HSF2BP: variants seen among roughly 807,000 people sequenced by gnomAD.
The protein encoded by HSF2BP is heat shock factor 2-binding protein.
A neutral mutation model predicts 35.0 loss-of-function variants in HSF2BP; 35 were observed. The observed-to-expected ratio is 1.00, with a 90% CI of 0.76 to 1.32. The LOEUF is 1.32. Among genes scored for constraint, HSF2BP ranks in the 40% most tolerant of loss-of-function variants. The pLI is 0.00. For synonymous variants in HSF2BP, 114 were observed against 117.4 expected (o/e 0.97, Z 0.18); for missense variants, 326 against 321.7 (o/e 1.01, Z -0.10).
At chr21:43,577,158 C>T (rs2081654100) in intron 8 of HSF2BP, among the ~76,000 whole-genome samples, 1 of 152,214 alleles carries the variant, frequency 6.6e-6, no homozygotes, top group African/African-American at 2.4e-5. Context: ...GCTCTGTTCA[C>T]CTCTTTATTT....
chr21:43,633,293 G>A lies in HSF2BP; in HGVS notation c.420C>T (p.Val140=), dbSNP rs377332751. ...LLWGVSSSEE[V]VKAILGGDKA... ...TTACTCCTCCCAAAATGGCCTTGAC[G>A]ACTTCCTCACTGCTGGAGACACCCC... The change falls in exon 5 of 9, where the codon GTC becomes GTT. Residue 140 remains valine (V), a synonymous_variant. Coordinates refer to ENST00000291560, the MANE Select transcript of HSF2BP (RefSeq NM_007031.2). 56 of 1,612,892 alleles carry A rather than the reference G, an allele frequency of 3.5e-5. No individual in the cohort carries two copies. Among genetic ancestry groups the A allele is most frequent in the South Asian group, 1.5e-4 (14 of 90,820 alleles).
chr21:43,629,879 T>G (rs2082433439), intron 6 of HSF2BP, among the ~76,000 whole-genome samples: 1 of 152,162 alleles, frequency 6.6e-6, no homozygotes, highest in Non-Finnish European at 1.5e-5. Context: ...TGTTCTACTG[T>G]GGAAAAAATG....
chr21:43,615,804 TA>T lies in HSF2BP; in HGVS notation c.575-1858del, dbSNP rs1313384906. On this transcript the variant is annotated intron_variant, in intron 6 of 8. Coordinates refer to ENST00000291560, the MANE Select transcript of HSF2BP (RefSeq NM_007031.2). ...GTAAGCATTTGGCATCAGAAACACA[TA>T]AAAGATAGCTTTTAGGTAGCTTTTC... 3.3e-5 allele frequency among the ~76,000 whole-genome samples: 5 copies of T among 152,214 alleles called. No individual in the cohort carries two copies. In the East Asian group the frequency reaches 9.6e-4, roughly 29 times the overall value.
chr21:43,617,029 G>T (rs1360256754), intron 6 of HSF2BP, among the ~76,000 whole-genome samples: 1 of 152,060 alleles, frequency 6.6e-6, no homozygotes, highest in South Asian at 2.1e-4. Context: ...CACCCCACTA[G>T]CCCCCAGCTG....
At chr21:43,603,449 G>A (rs564249150) in intron 7 of HSF2BP, among the ~76,000 whole-genome samples, 39 of 152,324 alleles carry the variant, frequency 2.6e-4, no homozygotes, top group African/African-American at 8.4e-4. Context: ...ACACAGAGAT[G>A]AAACAGACAG....
rs779232298 is a variant in HSF2BP, at chr21:43,605,093, CACAT to C, written c.692+8733_692+8736del. On this transcript the variant is annotated intron_variant, in intron 7 of 8. Coordinates refer to ENST00000291560, the MANE Select transcript of HSF2BP (RefSeq NM_007031.2). ...ATCACACGTACCACATAACACAACA[CACAT>C]ACATCACACACATCACACACACACC... Among the ~76,000 whole-genome samples, 18 of 147,050 alleles carry C rather than the reference CACAT, an allele frequency of 1.2e-4. No individual in the cohort carries two copies. The East Asian group carries it at 1.2e-3, about 10-fold the overall frequency.
At chr21:43,658,380 G>A (rs906440944) in intron 1 of HSF2BP, 60 bp from the exon 2 acceptor site, 1 of 471,806 alleles carries the variant, frequency 2.1e-6, no homozygotes, top group African/African-American at 2.1e-5. Context: ...AAATCGGATG[G>A]GTCCTTTCCT....
At chr21:43,595,599 A>C (rs1825124372) in intron 7 of HSF2BP, among the ~76,000 whole-genome samples, 1 of 152,052 alleles carries the variant, frequency 6.6e-6, no homozygotes, top group South Asian at 2.1e-4. Flanking sequence ...TCGAGGCTGC[A>C]ATGAGCTGTG....
chr21:43,612,438 T>G (rs956014183), intron 7 of HSF2BP, among the ~76,000 whole-genome samples: 2 of 151,964 alleles, frequency 1.3e-5, no homozygotes, highest in African/African-American at 4.8e-5. Context: ...GATCACGAGG[T>G]CAGGAGATTG....
At chr21:43,655,142 T>A (rs1037230903) in intron 3 of HSF2BP, among the ~76,000 whole-genome samples, 5 of 152,208 alleles carry the variant, frequency 3.3e-5, no homozygotes, top group African/African-American at 1.2e-4. Context: ...GAATGCCAGT[T>A]TATTAATTTA....
At chr21:43,609,620 T>C (rs1395614239) in intron 7 of HSF2BP, among the ~76,000 whole-genome samples, 1 of 151,916 alleles carries the variant, frequency 6.6e-6, no homozygotes, top group Non-Finnish European at 1.5e-5. Flanking sequence ...GAGGCTGATT[T>C]ATAGTATGAG....
intron 8 of HSF2BP, among the ~76,000 whole-genome samples, chr21:43,583,749 G>A (rs1435751409): frequency 1.5e-5 from 2 of 133,518 alleles, no homozygotes; most frequent in Non-Finnish European, 3.2e-5. Context: ...TGCCGAGGGA[G>A]ATGAAGGGCC....
At chr21:43,643,538 G>A (rs148920375) in intron 4 of HSF2BP, among the ~76,000 whole-genome samples, 5 of 152,264 alleles carry the variant, frequency 3.3e-5, no homozygotes, top group African/African-American at 7.2e-5. Flanking sequence ...ATGTGATCTC[G>A]TCACACAGCC....
chr21:43,583,682 GA>G, intron 8 of HSF2BP, among the ~76,000 whole-genome samples: 1 of 139,302 alleles, frequency 7.2e-6, no homozygotes, highest in South Asian at 2.5e-4. Flanking sequence ...GACCTGCTGA[GA>G]GAGATGAAGG....
intron 6 of HSF2BP, among the ~76,000 whole-genome samples, chr21:43,626,784 CA>C (rs2082394705): frequency 1.3e-5 from 2 of 152,146 alleles, no homozygotes; most frequent in Non-Finnish European, 2.9e-5. Context: ...TAAGTCACAG[CA>C]ATGTATTGAA....
chr21:43,579,634 C>T (rs980558318), intron 8 of HSF2BP, among the ~76,000 whole-genome samples: 10 of 152,188 alleles, frequency 6.6e-5, no homozygotes, highest in African/African-American at 1.9e-4. Flanking sequence ...AACCTTACTA[C>T]CCGCCCCTCT....
At chr21:43,601,040 T>A (rs780342050) in intron 7 of HSF2BP, among the ~76,000 whole-genome samples, 1 of 152,250 alleles carries the variant, frequency 6.6e-6, no homozygotes, top group Non-Finnish European at 1.5e-5. Context: ...ATTTATCTGT[T>A]CTCCATCTTG....
chr21:43,636,784 CA>C, intron 4 of HSF2BP, among the ~76,000 whole-genome samples: 1 of 150,232 alleles, frequency 6.7e-6, no homozygotes, highest in East Asian at 2.0e-4. Context: ...CCCAGCTGCT[CA>C]GGAGGCTGAG....
intron 7 of HSF2BP, among the ~76,000 whole-genome samples, chr21:43,595,926 T>C (rs1332014251): frequency 6.6e-6 from 1 of 151,718 alleles, no homozygotes. Context: ...GGTTTCACCA[T>C]GTTGGTTAGG....
Sources: gnomAD v4.1 joint callset for allele counts (sites outside exome capture counted in the v4.1 genomes callset) on GRCh38, gnomAD v4.1.1 for gene constraint, MANE v1.5 for transcripts, NCBI Gene and HGNC (gene_info 2026-07-23, HGNC 2026-07-21) for gene names.